SLC71A1: variants seen among roughly 807,000 people sequenced by gnomAD.
SLC71A1 encodes solute carrier family 71 member 1, also known as hippocampus abundant gene transcript 1.
chr1:100,045,619 T>A, the SLC71A1 span, among the ~76,000 whole-genome samples: 1 of 152,238 alleles, frequency 6.6e-6, no homozygotes, highest in Non-Finnish European at 1.5e-5. Flanking sequence ...AGGTATACAG[T>A]GTATAATAAA....
At chr1:100,067,647 AT>A in the SLC71A1 span, among the ~76,000 whole-genome samples, 2 of 151,892 alleles carry the variant, frequency 1.3e-5, no homozygotes, top group African/African-American at 4.8e-5. Context: ...TTCCACCTCT[AT>A]AAAAAATAAA....
the SLC71A1 span, among the ~76,000 whole-genome samples, chr1:100,073,359 A>G: frequency 8.4e-3 from 1,272 of 152,334 alleles, 11 homozygotes; most frequent in Non-Finnish European, 0.013. Context: ...CTTTGCAACC[A>G]GAATAAAATC....
chr1:100,055,176 A>C, the SLC71A1 span, among the ~76,000 whole-genome samples: 6 of 152,226 alleles, frequency 3.9e-5, no homozygotes, highest in African/African-American at 1.4e-4. Flanking sequence ...CCTGTTCTTC[A>C]TACCTAGAAA....
the SLC71A1 span, among the ~76,000 whole-genome samples, chr1:100,051,988 A>T: frequency 6.6e-6 from 1 of 152,152 alleles, no homozygotes; most frequent in Non-Finnish European, 1.5e-5. Flanking sequence ...AAGCAATTTG[A>T]TTGCTACTCT....
the SLC71A1 span, among the ~76,000 whole-genome samples, chr1:100,053,988 A>G: frequency 6.6e-6 from 1 of 151,658 alleles, no homozygotes; most frequent in Non-Finnish European, 1.5e-5. Context: ...AACAGTAGGT[A>G]TAAGGATCTG....
At chr1:100,047,518 G>A in the SLC71A1 span, among the ~76,000 whole-genome samples, 1 of 152,236 alleles carries the variant, frequency 6.6e-6, no homozygotes, top group Non-Finnish European at 1.5e-5. Context: ...CGCCTCCCGC[G>A]TTCAAGCGAT....
chr1:100,057,088 G>A, the SLC71A1 span, among the ~76,000 whole-genome samples: 1 of 152,134 alleles, frequency 6.6e-6, no homozygotes, highest in African/African-American at 2.4e-5. Flanking sequence ...CAGATGGATA[G>A]TTTGCAGATA....
chr1:100,071,747 C>T, the SLC71A1 span, among the ~76,000 whole-genome samples: 1 of 152,174 alleles, frequency 6.6e-6, no homozygotes, highest in African/African-American at 2.4e-5. Context: ...TAAATGTAGT[C>T]AGTGACACTG....
At chr1:100,065,171 G>T in the SLC71A1 span, among the ~76,000 whole-genome samples, 1 of 152,126 alleles carries the variant, frequency 6.6e-6, no homozygotes, top group Non-Finnish European at 1.5e-5. Context: ...ACTGCACCTG[G>T]CCAGTAGTTT....
At chr1:100,066,148 T>A in the SLC71A1 span, among the ~76,000 whole-genome samples, 1 of 152,154 alleles carries the variant, frequency 6.6e-6, no homozygotes, top group African/African-American at 2.4e-5. Flanking sequence ...GTTTTAGAGA[T>A]GTTCTTAATT....
the SLC71A1 span, among the ~76,000 whole-genome samples, chr1:100,041,703 C>G: frequency 3.9e-5 from 6 of 152,176 alleles, no homozygotes; most frequent in African/African-American, 1.4e-4. Flanking sequence ...GTGGGCAGAT[C>G]ACTTGAGGCC....
At chr1:100,047,397 C>T in the SLC71A1 span, among the ~76,000 whole-genome samples, 1 of 152,022 alleles carries the variant, frequency 6.6e-6, no homozygotes, top group African/African-American at 2.4e-5. Context: ...TGGATGAATC[C>T]CACTTGAACA....
the SLC71A1 span, among the ~76,000 whole-genome samples, chr1:100,050,412 C>T: frequency 1.3e-5 from 2 of 152,126 alleles, no homozygotes; most frequent in African/African-American, 4.8e-5. Flanking sequence ...CCTAGAAGGG[C>T]TATTCTTTAA....
the SLC71A1 span, chr1:100,068,446 TATCA>T: frequency 6.9e-7 from 1 of 1,444,600 alleles, no homozygotes; most frequent in Non-Finnish European, 9.7e-7. Flanking sequence ...GAAAACCTTA[TATCA>T]ATCAGTCTTT....
the SLC71A1 span, among the ~76,000 whole-genome samples, chr1:100,065,840 C>G: frequency 6.6e-6 from 1 of 151,144 alleles, no homozygotes; most frequent in Non-Finnish European, 1.5e-5. Context: ...ATTCCTTTTC[C>G]CTTTGCTTTC....
chr1:100,055,134 T>G, the SLC71A1 span, among the ~76,000 whole-genome samples: 4 of 152,232 alleles, frequency 2.6e-5, no homozygotes, highest in African/African-American at 9.6e-5. Flanking sequence ...TTATAGACAT[T>G]CATAATGTTT....
At chr1:100,043,102 G>A in the SLC71A1 span, 20 of 985,054 alleles carry the variant, frequency 2.0e-5, no homozygotes, top group South Asian at 4.7e-5. Context: ...TCATCCTCAT[G>A]TAGTTAGAAG....
chr1:100,069,610 C>G, the SLC71A1 span: 1 of 1,600,300 alleles, frequency 6.2e-7, no homozygotes, highest in South Asian at 1.1e-5. Flanking sequence ...GGAAACCCTT[C>G]TAGATAATGA....
the SLC71A1 span, among the ~76,000 whole-genome samples, chr1:100,056,324 C>T: frequency 6.6e-6 from 1 of 152,216 alleles, no homozygotes; most frequent in South Asian, 2.1e-4. Context: ...CAGTTCCATC[C>T]ATGTTGTTGC....
Sources: gnomAD v4.1 joint callset for allele counts (sites outside exome capture counted in the v4.1 genomes callset) on GRCh38, gnomAD v4.1.1 for gene constraint, MANE v1.5 for transcripts, NCBI Gene and HGNC (gene_info 2026-07-23, HGNC 2026-07-21) for gene names.